The following TMEM178B variants were observed in gnomAD, a reference collection of about 807,000 sequenced individuals.
TMEM178B encodes the protein transmembrane protein 178B.
A neutral mutation model predicts 31.0 loss-of-function variants in TMEM178B; 5 were observed. That is an observed-to-expected ratio of 0.16 (90% CI 0.08 to 0.34). The LOEUF is 0.34. Among genes scored for constraint, TMEM178B ranks in the 10% least tolerant of loss-of-function variants. The probability of loss-of-function intolerance (pLI) is 1.00; values close to 1 mark genes in which losing one functional copy is unlikely to be tolerated. For synonymous variants in TMEM178B, 164 were observed against 164.0 expected (o/e 1.00, Z 0.00); for missense variants, 275 against 400.3 (o/e 0.69, Z 2.67).
intron 1 of TMEM178B, among the ~76,000 whole-genome samples, chr7:141,145,632 C>CA (rs1795838605): frequency 6.6e-6 from 1 of 152,222 alleles, no homozygotes; most frequent in Non-Finnish European, 1.5e-5. Flanking sequence ...GTGGCTCTCA[C>CA]ACATGAACGT....
intron 1 of TMEM178B, among the ~76,000 whole-genome samples, chr7:141,188,335 C>T (rs961352502): frequency 9.2e-5 from 14 of 152,152 alleles, no homozygotes; most frequent in African/African-American, 3.4e-4. Context: ...AAAGGAAATG[C>T]TCATTGGAGC....
chr7:141,283,848 A>G (rs1798402449), intron 2 of TMEM178B, among the ~76,000 whole-genome samples: 1 of 152,224 alleles, frequency 6.6e-6, no homozygotes, highest in Non-Finnish European at 1.5e-5. Flanking sequence ...TAAGTGTGAA[A>G]GGACTTATCT....
chr7:141,482,127 G>T (rs936435826), downstream of TMEM178B, among the ~76,000 whole-genome samples: 19 of 152,202 alleles, frequency 1.2e-4, no homozygotes, highest in Non-Finnish European at 1.8e-4. Flanking sequence ...GTTTAGCAGA[G>T]ACCTGGGTTT....
In TMEM178B at chr7:141,470,723, T is replaced by G. The variant is rs1300776405; in HGVS notation, c.822T>G (p.Ser274=). ...GATTCTTCTGTACCTTAGCCCCTTC[T>G]GTTCAACCTGTCCCGAGGACCAACT... is the stretch of plus-strand genomic sequence containing the variant. ...ISGFFCTLAP[S]VQPVPRTNYP... Residue 274 remains serine, a synonymous_variant, in exon 4 of 4, where the codon TCT becomes TCG. Transcript: ENST00000565468. 6.5e-7 allele frequency: 1 copy of G among 1,534,804 alleles called. No individual in the cohort carries two copies. Among genetic ancestry groups the G allele is most frequent in the Non-Finnish European group, 8.7e-7 (1 of 1,146,426 alleles).
chr7:141,114,972 G>T (rs995891293), intron 1 of TMEM178B, among the ~76,000 whole-genome samples: 24 of 152,148 alleles, frequency 1.6e-4, no homozygotes, highest in Admixed American at 3.9e-4. Flanking sequence ...AAAGAGAAGG[G>T]CAGTGTACAT....
chr7:141,381,398 T>C (rs1800312581), intron 2 of TMEM178B, among the ~76,000 whole-genome samples: 1 of 152,234 alleles, frequency 6.6e-6, no homozygotes, highest in Non-Finnish European at 1.5e-5. Flanking sequence ...TGTGCCACAC[T>C]TGGTTTGTCA....
At position 141,422,207 on chromosome 7, in the gene TMEM178B, C is replaced by T. The variant is rs1801224450; in HGVS notation, c.497-15401C>T. The stretch of plus-strand genomic sequence containing the variant: ...AAGGAGGACAGGTAAAAGGCCAAGG[C>T]TCTGACTTGCCTGGTGTTATTGCTC... On this transcript the variant is annotated intron_variant, in intron 2 of 3. Coordinates refer to ENST00000565468, the MANE Select transcript of TMEM178B (RefSeq NM_001195278.2). The surrounding 1 kb of genome is among the most constrained non-coding windows in gnomAD (Gnocchi z 4.2). Among the ~76,000 whole-genome samples the T allele has an allele frequency of 6.6e-6, 1 of 152,216 alleles. No individual in the cohort carries two copies. The highest frequency in any genetic ancestry group is 2.4e-5 in the African/African-American group (1 of 41,466).
intron 1 of TMEM178B, among the ~76,000 whole-genome samples, chr7:141,091,981 G>A (rs1260081921): frequency 1.3e-5 from 2 of 152,116 alleles, no homozygotes; most frequent in Non-Finnish European, 2.9e-5. Flanking sequence ...ACCCACCTCA[G>A]CCTCCCAAAG....
At chr7:141,355,496 A>G (rs1799803665) in intron 2 of TMEM178B, among the ~76,000 whole-genome samples, 1 of 152,188 alleles carries the variant, frequency 6.6e-6, no homozygotes, top group African/African-American at 2.4e-5. Flanking sequence ...TAACTATGCC[A>G]ATTCTTCAGT....
chr7:141,076,348 G>A (rs1265126048), intron 1 of TMEM178B, among the ~76,000 whole-genome samples: 2 of 152,238 alleles, frequency 1.3e-5, no homozygotes, highest in African/African-American at 4.8e-5. Context: ...ATGAGAGGAA[G>A]TTAGCTGAAA....
intron 1 of TMEM178B, among the ~76,000 whole-genome samples, chr7:141,100,019 C>CAG (rs1795027847): frequency 6.6e-6 from 1 of 152,046 alleles, no homozygotes; most frequent in Non-Finnish European, 1.5e-5. Flanking sequence ...TGGGGTTTCA[C>CAG]CATGTTAGCC....
intron 3 of TMEM178B, among the ~76,000 whole-genome samples, chr7:141,441,252 C>T (rs528865387): frequency 2.0e-5 from 3 of 152,316 alleles, no homozygotes; most frequent in East Asian, 3.9e-4. Flanking sequence ...ACCTCTAGAA[C>T]CCTGTATGTC....
chr7:141,224,349 C>T (rs1029851282), intron 2 of TMEM178B, among the ~76,000 whole-genome samples: 1 of 152,250 alleles, frequency 6.6e-6, no homozygotes, highest in Non-Finnish European at 1.5e-5. Flanking sequence ...CAGTTCCAAA[C>T]AAGCAGTGCT....
intron 2 of TMEM178B, among the ~76,000 whole-genome samples, chr7:141,261,867 A>AGCTTC (rs1228207217): frequency 6.6e-6 from 1 of 152,160 alleles, no homozygotes; most frequent in East Asian, 1.9e-4. Flanking sequence ...TTGCACCTTG[A>AGCTTC]GCTTCATAGA....
intron 2 of TMEM178B, among the ~76,000 whole-genome samples, chr7:141,326,640 A>G (rs1304599580): frequency 6.6e-6 from 1 of 152,206 alleles, no homozygotes; most frequent in Non-Finnish European, 1.5e-5. Context: ...TTGGAACACA[A>G]CGATGCCCCT....
intron 2 of TMEM178B, among the ~76,000 whole-genome samples, chr7:141,412,747 T>G (rs1157385795): frequency 6.6e-6 from 1 of 152,168 alleles, no homozygotes; most frequent in Non-Finnish European, 1.5e-5. Flanking sequence ...ATCACCTTTG[T>G]GGAGCACATA....
At chr7:141,106,121 T>G (rs984964985) in intron 1 of TMEM178B, among the ~76,000 whole-genome samples, 2 of 151,422 alleles carry the variant, frequency 1.3e-5, no homozygotes, top group African/African-American at 4.9e-5. Context: ...AAAGGGTCAT[T>G]TTGGGTCAGC....
chr7:141,259,081 G>A (rs1797974027), intron 2 of TMEM178B, among the ~76,000 whole-genome samples: 1 of 152,012 alleles, frequency 6.6e-6, no homozygotes, highest in Admixed American at 6.6e-5. Flanking sequence ...CTTGTCTTCT[G>A]GGACTTCTAT....
chr7:141,207,926 G>T (rs1026157815), intron 1 of TMEM178B, among the ~76,000 whole-genome samples: 1 of 152,080 alleles, frequency 6.6e-6, no homozygotes, highest in Non-Finnish European at 1.5e-5. Flanking sequence ...GCGGTGGCTT[G>T]TGCCTATAAT....
Sources: allele counts gnomAD v4.1 joint callset (sites outside exome capture counted in the v4.1 genomes callset), GRCh38; gene constraint gnomAD v4.1.1; non-coding constraint Gnocchi (gnomAD v3.1); transcripts MANE v1.5; gene names NCBI Gene and HGNC (gene_info 2026-07-23, HGNC 2026-07-21).